DYNC2H1: variants seen among roughly 807,000 people sequenced by gnomAD.
DYNC2H1 encodes the protein dynein cytoplasmic 2 heavy chain 1, also known as cytoplasmic dynein 2 heavy chain 1.
Under a neutral mutation model 570.0 loss-of-function variants are expected in DYNC2H1, and 410 were observed. The observed-to-expected ratio is 0.72, with a 90% CI of 0.66 to 0.78. The LOEUF (loss-of-function observed/expected upper bound fraction) is 0.78, where lower values mean the gene tolerates loss of function less well. Ranked by LOEUF, DYNC2H1 falls within the 30% of genes least tolerant of loss-of-function variation. The probability of loss-of-function intolerance (pLI) is 0.00; values close to 1 mark genes in which losing one functional copy is unlikely to be tolerated. For synonymous variants in DYNC2H1, 1,688 were observed against 1,677.6 expected (o/e 1.01, Z -0.15); for missense variants, 4,865 against 5,046.4 (o/e 0.96, Z 1.09).
At chr11:103,339,417 C>T (rs1479491244) in intron 82 of DYNC2H1, among the ~76,000 whole-genome samples, 1 of 152,182 alleles carries the variant, frequency 6.6e-6, no homozygotes, top group Non-Finnish European at 1.5e-5. Context: ...GTTTATCCCA[C>T]CAGGGTTGTA....
chr11:103,119,884 G>C (rs763765762), intron 6 of DYNC2H1, among the ~76,000 whole-genome samples: 6 of 152,114 alleles, frequency 3.9e-5, no homozygotes, highest in African/African-American at 1.2e-4. Flanking sequence ...TAAATCATGA[G>C]TTTATACTGA....
Position 103,177,203 on chromosome 11 carries a change from G to A in DYNC2H1, c.5875-353G>A, listed in dbSNP as rs953615162. The stretch of plus-strand genomic sequence containing the variant: ...TTAGCACTTTGCCCTCAGTTTTGGA[G>A]AGAAGTAAGATAAGAATGAATGAAT... On this transcript the variant is annotated intron_variant, in intron 37 of 88. Transcript: ENST00000375735. The surrounding 1 kb of genome is among the most constrained non-coding windows in gnomAD (Gnocchi z 4.4). 6.6e-6 allele frequency among the ~76,000 whole-genome samples: 1 copy of A among 152,072 alleles called. No homozygotes were observed. Among genetic ancestry groups the A allele is most frequent in the Non-Finnish European group, 1.5e-5 (1 of 67,996 alleles).
intron 77 of DYNC2H1, 111 bp downstream of exon 77, chr11:103,304,831 A>G: frequency 9.0e-7 from 1 of 1,115,136 alleles, no homozygotes. Flanking sequence ...AAAAAGTAAT[A>G]TTTGAGAAAT....
intron 82 of DYNC2H1, among the ~76,000 whole-genome samples, chr11:103,340,035 G>A (rs7483233): frequency 0.15 from 22,649 of 152,184 alleles, 1,822 homozygotes; most frequent in Admixed American, 0.25. Context: ...TGGGTTTGGG[G>A]GAGGAATGTT....
chr11:103,247,825 T>C (rs1234808821), intron 65 of DYNC2H1, among the ~76,000 whole-genome samples: 14 of 151,918 alleles, frequency 9.2e-5, no homozygotes. Flanking sequence ...GTACCTGTGG[T>C]TAGTTGATGG....
intron 85 of DYNC2H1, among the ~76,000 whole-genome samples, chr11:103,437,510 G>GA (rs11462730): frequency 0.57 from 86,393 of 151,482 alleles, 25,093 homozygotes; most frequent in East Asian, 0.72. Context: ...ATTGTTAAAG[G>GA]AAAAAAAAGT....
intron 82 of DYNC2H1, among the ~76,000 whole-genome samples, chr11:103,328,711 T>C (rs530709027): frequency 3.5e-4 from 54 of 152,344 alleles, no homozygotes; most frequent in African/African-American, 1.3e-3. Context: ...ATTATACTTA[T>C]GTACAGATGC....
chr11:103,290,878 T>A (rs1866567185), intron 75 of DYNC2H1, among the ~76,000 whole-genome samples: 1 of 152,174 alleles, frequency 6.6e-6, no homozygotes, highest in Non-Finnish European at 1.5e-5. Context: ...GAAAGATAAC[T>A]TTTCCTTCCC....
chr11:103,227,150 A>G (rs367831511), intron 59 of DYNC2H1, among the ~76,000 whole-genome samples: 4 of 151,312 alleles, frequency 2.6e-5, no homozygotes, highest in African/African-American at 9.7e-5. Flanking sequence ...TGTTTCATTT[A>G]TCTTTTGTAT....
At chr11:103,374,203 C>T (rs923727683) in intron 83 of DYNC2H1, among the ~76,000 whole-genome samples, 14 of 152,110 alleles carry the variant, frequency 9.2e-5, no homozygotes, top group African/African-American at 3.1e-4. Context: ...CCATAATCGC[C>T]GTGTGTCATG....
At chr11:103,166,097 G>T (rs1367908437) in intron 31 of DYNC2H1, 49 bp downstream of exon 31, 4 of 1,440,218 alleles carry the variant, frequency 2.8e-6, no homozygotes, top group East Asian at 2.7e-5. Context: ...TTATTTTTTG[G>T]TATTCTATCC....
At chr11:103,236,351 G>T in intron 62 of DYNC2H1, 79 bp from the exon 63 acceptor site, 1 of 900,810 alleles carries the variant, frequency 1.1e-6, no homozygotes. Context: ...CTTTTGTTTC[G>T]GAATAAATAG....
chr11:103,308,682 C>T (rs569850422), intron 78 of DYNC2H1, among the ~76,000 whole-genome samples: 4 of 152,192 alleles, frequency 2.6e-5, no homozygotes, highest in South Asian at 4.1e-4. Flanking sequence ...TAATAGTGGT[C>T]GTCTGAGTGG....
chr11:103,347,416 G>A (rs1035176866), intron 82 of DYNC2H1, among the ~76,000 whole-genome samples: 18 of 147,256 alleles, frequency 1.2e-4, no homozygotes, highest in African/African-American at 4.2e-4. Context: ...TGGCATTATA[G>A]TAGTTATATC....
chr11:103,308,112 T>C (rs1019066434), intron 78 of DYNC2H1, among the ~76,000 whole-genome samples: 1 of 152,186 alleles, frequency 6.6e-6, no homozygotes, highest in Non-Finnish European at 1.5e-5. Flanking sequence ...TGCACCTTGT[T>C]GTGCAGTAGA....
chr11:103,178,584 A>G (rs886740703), intron 38 of DYNC2H1, among the ~76,000 whole-genome samples: 15 of 152,042 alleles, frequency 9.9e-5, no homozygotes, highest in Non-Finnish European at 1.9e-4. Flanking sequence ...TATGTATACA[A>G]TTGGTCACTA....
intron 82 of DYNC2H1, among the ~76,000 whole-genome samples, chr11:103,340,294 T>C (rs1201477973): frequency 6.6e-6 from 1 of 152,230 alleles, no homozygotes; most frequent in Non-Finnish European, 1.5e-5. Flanking sequence ...TGTATTTTTT[T>C]TTCTTTGCAT....
In DYNC2H1 at chr11:103,177,945, T is replaced by G. The variant is rs1797218710; in HGVS notation, c.6139+125T>G. 10 of 1,116,736 alleles carry G rather than the reference T, an allele frequency of 9.0e-6. No homozygotes were observed. The highest frequency in any genetic ancestry group is 1.1e-5 in the Non-Finnish European group (9 of 824,252). 69.2% of individuals were successfully genotyped at this position (1,116,736 alleles called of 1,614,324 possible). ...TAAAGTCATAATTAAGTTAAAATGA[T>G]GTACATTTGATATTTTACTTTGGAG... On this transcript the variant is annotated intron_variant, in intron 38 of 88. Transcript: ENST00000375735. The surrounding 1 kb of genome is among the most constrained non-coding windows in gnomAD (Gnocchi z 4.4).
At chr11:103,115,426 A>C (rs770481238) in intron 4 of DYNC2H1, 131 bp downstream of exon 4, 41 of 540,986 alleles carry the variant, frequency 7.6e-5, no homozygotes, top group Non-Finnish European at 1.2e-4. Flanking sequence ...TATATGGAGA[A>C]AACTTTAAGT....
Sources: allele counts gnomAD v4.1 joint callset (sites outside exome capture counted in the v4.1 genomes callset), GRCh38; gene constraint gnomAD v4.1.1; non-coding constraint Gnocchi (gnomAD v3.1); transcripts MANE v1.5; gene names NCBI Gene and HGNC (gene_info 2026-07-23, HGNC 2026-07-21).